Variants in GTF2E2 observed in about 807,000 individuals in gnomAD.
GTF2E2 encodes general transcription factor IIE subunit 2, also known as transcription initiation factor IIE subunit beta.
A neutral mutation model predicts 40.5 loss-of-function variants in GTF2E2; 21 were observed. The ratio of observed to expected loss-of-function variants is 0.52; its 90% CI spans 0.37 to 0.75. GTF2E2 has a LOEUF of 0.75. Ranked by LOEUF, GTF2E2 falls within the 30% of genes least tolerant of loss-of-function variation. The pLI is 0.00. For missense variants in GTF2E2, 298 were observed against 338.4 expected, an observed-to-expected ratio of 0.88 and a Z score of 0.94; for synonymous variants, 117 against 121.6, an observed-to-expected ratio of 0.96 and a Z score of 0.25.
intron 4 of GTF2E2, among the ~76,000 whole-genome samples, chr8:30,612,988 G>A (rs1207410642): frequency 2.0e-5 from 3 of 152,124 alleles, no homozygotes; most frequent in Non-Finnish European, 2.9e-5. Context: ...AGATCAGCAC[G>A]GTGCTCACTT....
In GTF2E2 at chr8:30,635,235, A is replaced by G. The variant is rs530076556; in HGVS notation, c.167-112T>C. ...ATTTCTTGAGTTTTTCATCTAGTATATTCTACCCTGTAATATTCTGGTGAA... is the reference window on the plus strand; with the variant it reads ...ATTTCTTGAGTTTTTCATCTAGTATGTTCTACCCTGTAATATTCTGGTGAA... On this transcript the variant is annotated intron_variant, in intron 2 of 7. Transcript: ENST00000355904. 2.1e-5 allele frequency: 13 copies of G among 609,086 alleles called. No homozygotes were observed. The East Asian group carries it at 3.3e-4, about 16-fold the overall frequency. The allele number at this position is 609,086 out of a possible 1,614,324, so 37.7% of individuals were successfully genotyped here.
chr8:30,594,066 G>A (rs1270977691), intron 6 of GTF2E2, among the ~76,000 whole-genome samples: 1 of 152,010 alleles, frequency 6.6e-6, no homozygotes, highest in East Asian at 1.9e-4. Context: ...AAGTAGCTGG[G>A]ATTACAGGCG....
intron 2 of GTF2E2, among the ~76,000 whole-genome samples, chr8:30,644,741 G>A (rs1399010725): frequency 7.8e-6 from 1 of 128,920 alleles, no homozygotes; most frequent in African/African-American, 2.9e-5. Context: ...AGTTAATTTC[G>A]GTATATGAAT....
intron 3 of GTF2E2, among the ~76,000 whole-genome samples, chr8:30,625,085 C>T (rs1264174790): frequency 6.6e-6 from 1 of 151,942 alleles, no homozygotes; most frequent in Non-Finnish European, 1.5e-5. Flanking sequence ...TGTCTTGTGC[C>T]AGTTTTCAAA....
At chr8:30,606,174 C>T (rs1367020088) in intron 6 of GTF2E2, among the ~76,000 whole-genome samples, 2 of 152,204 alleles carry the variant, frequency 1.3e-5, no homozygotes. Flanking sequence ...CTGGAATATT[C>T]TGCACATTTT....
intron 6 of GTF2E2, among the ~76,000 whole-genome samples, chr8:30,582,562 T>C (rs1347137509): frequency 6.6e-6 from 1 of 152,220 alleles, no homozygotes; most frequent in African/African-American, 2.4e-5. Flanking sequence ...CCGATGCTCT[T>C]TTCTTGGCCC....
intron 6 of GTF2E2, among the ~76,000 whole-genome samples, chr8:30,588,164 T>TC (rs887125838): frequency 1.3e-4 from 20 of 151,452 alleles, no homozygotes; most frequent in Non-Finnish European, 1.5e-5. Context: ...CTGTATGGAG[T>TC]CCCCCCAGAA....
At chr8:30,624,420 T>C (rs571301736) in intron 3 of GTF2E2, among the ~76,000 whole-genome samples, 61 of 152,256 alleles carry the variant, frequency 4.0e-4, no homozygotes, top group African/African-American at 1.5e-3. Context: ...TGTAGCCTTG[T>C]AGTATAGTTT....
intron 5 of GTF2E2, among the ~76,000 whole-genome samples, chr8:30,607,970 GATTAC>G (rs1829370502): frequency 6.6e-6 from 1 of 152,102 alleles, no homozygotes; most frequent in Non-Finnish European, 1.5e-5. Flanking sequence ...TTGCCCAAAG[GATTAC>G]ATTACTCCTT....
chr8:30,637,583 G>A (rs112064783), intron 2 of GTF2E2, among the ~76,000 whole-genome samples: 9,157 of 152,210 alleles, frequency 0.06, 350 homozygotes, highest in Non-Finnish European at 0.087. Flanking sequence ...GAGAGCAGTG[G>A]TGTGATCTCA....
At chr8:30,644,437 C>T (rs1233232507) in intron 2 of GTF2E2, 1 of 152,130 alleles carries the variant, frequency 6.6e-6, no homozygotes, top group African/African-American at 2.4e-5. Context: ...TTTTATTATC[C>T]TCATTCTGAA....
At chr8:30,649,045 G>C (rs1802191325) in intron 2 of GTF2E2, among the ~76,000 whole-genome samples, 1 of 152,132 alleles carries the variant, frequency 6.6e-6, no homozygotes, top group African/African-American at 2.4e-5. Context: ...GGCTCAAGTG[G>C]CTTAAGCCTG....
intron 6 of GTF2E2, among the ~76,000 whole-genome samples, chr8:30,600,515 G>A (rs1829146747): frequency 6.6e-6 from 1 of 152,142 alleles, no homozygotes; most frequent in Non-Finnish European, 1.5e-5. Flanking sequence ...ATCTCAGAGA[G>A]AGGTTAAGTG....
At chr8:30,619,972 T>C (rs747601511) in intron 3 of GTF2E2, among the ~76,000 whole-genome samples, 13 of 151,732 alleles carry the variant, frequency 8.6e-5, no homozygotes, top group Non-Finnish European at 1.5e-4. Context: ...TCCGAGTGAA[T>C]AGCAAGAGAT....
At chr8:30,583,561 G>T (rs1828575440) in intron 6 of GTF2E2, among the ~76,000 whole-genome samples, 2 of 151,804 alleles carry the variant, frequency 1.3e-5, no homozygotes. Context: ...TGTATTTTTA[G>T]TAGAGACAGG....
In GTF2E2 at chr8:30,578,815, C is replaced by T. The variant is rs1828428132; in HGVS notation, c.*106G>A. On this transcript the variant is annotated 3_prime_UTR_variant, in exon 8 of 8. Coordinates refer to ENST00000355904, the MANE Select transcript of GTF2E2 (RefSeq NM_002095.6). ...GTTTTGTAAACTGAACTGCTCCTCT[C>T]CTCAGCCGCAAGAAGCAGATAGGAA... 8.3e-6 allele frequency: 6 copies of T among 722,504 alleles called. No individual in the cohort carries two copies. The highest frequency in any genetic ancestry group is 1.5e-5 in the Non-Finnish European group (6 of 392,378). The allele number at this position is 722,504 out of a possible 1,614,324, so 44.8% of individuals were successfully genotyped here.
intron 6 of GTF2E2, among the ~76,000 whole-genome samples, chr8:30,589,016 G>A (rs912625774): frequency 6.6e-6 from 1 of 152,146 alleles, no homozygotes; most frequent in South Asian, 2.1e-4. Flanking sequence ...CACTTTTGGA[G>A]GCTGAGGGAG....
intron 6 of GTF2E2, among the ~76,000 whole-genome samples, chr8:30,588,752 G>A (rs1264667129): frequency 1.3e-5 from 2 of 152,136 alleles, no homozygotes; most frequent in East Asian, 1.9e-4. Context: ...CAAGAAATTC[G>A]GGTAGCCTCT....
At chr8:30,580,085 T>C (rs1398855041) in intron 7 of GTF2E2, among the ~76,000 whole-genome samples, 196 bp downstream of exon 7, 3 of 151,992 alleles carry the variant, frequency 2.0e-5, no homozygotes, top group African/African-American at 7.3e-5. Flanking sequence ...GAGCTGGGTG[T>C]AGAAAGGCAC....
Sources: allele counts gnomAD v4.1 joint callset (sites outside exome capture counted in the v4.1 genomes callset), GRCh38; gene constraint gnomAD v4.1.1; transcripts MANE v1.5; gene names NCBI Gene and HGNC (gene_info 2026-07-23, HGNC 2026-07-21).